CCDC28A: variants seen among roughly 807,000 people sequenced by gnomAD.
The protein encoded by CCDC28A is coiled-coil domain-containing protein 28A.
Under a neutral mutation model 22.1 loss-of-function variants are expected in CCDC28A, and 24 were observed. The ratio of observed to expected loss-of-function variants is 1.09; its 90% CI spans 0.79 to 1.53. The LOEUF (loss-of-function observed/expected upper bound fraction) is 1.53. Ranked by LOEUF, CCDC28A falls within the 40% of genes most tolerant of loss-of-function variation. The pLI is 0.00. For missense variants in CCDC28A, 170 were observed against 210.7 expected, an observed-to-expected ratio of 0.81 and a Z score of 1.20; for synonymous variants, 83 against 74.7, an observed-to-expected ratio of 1.11 and a Z score of -0.57.
intron 1 of CCDC28A, among the ~76,000 whole-genome samples, chr6:138,775,555 G>T (rs574150851): frequency 2.6e-4 from 40 of 152,268 alleles, no homozygotes; most frequent in Non-Finnish European, 4.4e-4. Flanking sequence ...TTGAAGTAAG[G>T]CTTCTAGTTG....
intron 2 of CCDC28A, among the ~76,000 whole-genome samples, chr6:138,778,042 A>G (rs3861393): frequency 0.031 from 4,742 of 152,270 alleles, 253 homozygotes; most frequent in African/African-American, 0.11. Flanking sequence ...TACATAATGT[A>G]TGTAATACAT....
At chr6:138,785,973 A>G (rs986938385) in intron 4 of CCDC28A, among the ~76,000 whole-genome samples, 2 of 152,228 alleles carry the variant, frequency 1.3e-5, no homozygotes, top group Non-Finnish European at 2.9e-5. Flanking sequence ...CTAATTGAGT[A>G]CATTGCCATA....
At chr6:138,780,571 A>AG (rs1775000129) in intron 3 of CCDC28A, among the ~76,000 whole-genome samples, 1 of 135,486 alleles carries the variant, frequency 7.4e-6, no homozygotes, top group African/African-American at 3.0e-5. Flanking sequence ...ATTATTTCCC[A>AG]ATTTTTTTTT....
At chr6:138,775,326 C>A (rs1035330089) in intron 1 of CCDC28A, among the ~76,000 whole-genome samples, 1 of 152,158 alleles carries the variant, frequency 6.6e-6, no homozygotes, top group African/African-American at 2.4e-5. Context: ...AGGCCTTACA[C>A]GTATTCCGCA....
chr6:138,785,145 C>G, intron 3 of CCDC28A, 82 bp from the exon 4 acceptor site: 1 of 779,252 alleles, frequency 1.3e-6, no homozygotes, highest in Non-Finnish European at 2.0e-6. Context: ...TCTTTTAGAG[C>G]ACCTAGAGTT....
intron 3 of CCDC28A, among the ~76,000 whole-genome samples, chr6:138,784,989 G>C (rs1054604013): frequency 6.6e-6 from 1 of 152,170 alleles, no homozygotes; most frequent in Non-Finnish European, 1.5e-5. Context: ...ACCACGCCTG[G>C]CCTGAAATAT....
chr6:138,773,916 G>A lies in CCDC28A; in HGVS notation c.-43+14G>A. 2 of 1,610,898 alleles carry A rather than the reference G, an allele frequency of 1.2e-6. No homozygotes were observed. Among genetic ancestry groups the A allele is most frequent in the Non-Finnish European group, 1.7e-6 (2 of 1,179,974 alleles). On this transcript the variant is annotated intron_variant, in intron 1 of 5. Coordinates refer to ENST00000617445, the MANE Select transcript of CCDC28A (RefSeq NM_015439.3). Reference sequence around the variant, plus strand: ...CTTCTTCTTCAGGTATGTAGTGGAAGCAAAGGAACCTCCGCAACCTGCCCC... The same window carrying A: ...CTTCTTCTTCAGGTATGTAGTGGAAACAAAGGAACCTCCGCAACCTGCCCC...
At chr6:138,786,676 GC>G (rs1775098075) in intron 4 of CCDC28A, among the ~76,000 whole-genome samples, 1 of 152,080 alleles carries the variant, frequency 6.6e-6, no homozygotes, top group African/African-American at 2.4e-5. Context: ...GTGCAGTGGC[GC>G]CATCTGGGCT....
chr6:138,790,176 C>T (rs9495251), intron 5 of CCDC28A, among the ~76,000 whole-genome samples: 9,296 of 152,018 alleles, frequency 0.061, 471 homozygotes, highest in African/African-American at 0.12. Flanking sequence ...TGTTTTGAGA[C>T]GGGTCTCGCC....
chr6:138,778,493 G>A (rs753662007), intron 2 of CCDC28A, among the ~76,000 whole-genome samples: 1 of 152,152 alleles, frequency 6.6e-6, no homozygotes, highest in Non-Finnish European at 1.5e-5. Context: ...GTATATGCCA[G>A]ACATGTGTAA....
rs1294337034 is a variant in CCDC28A, at chr6:138,777,906, G to A, written c.158+1628G>A. 2.0e-5 allele frequency among the ~76,000 whole-genome samples: 3 copies of A among 152,224 alleles called. No homozygotes were observed. In the South Asian group the frequency reaches 6.2e-4, roughly 32 times the overall value. On this transcript the variant is annotated intron_variant, in intron 2 of 5. Coordinates refer to ENST00000617445, the MANE Select transcript of CCDC28A (RefSeq NM_015439.3). Reference sequence around the variant, plus strand: ...TTTAAATGTGAATATGGATCTCTCGGGGATTTTTTTAGAATACAAATTCCA... The same window carrying A: ...TTTAAATGTGAATATGGATCTCTCGAGGATTTTTTTAGAATACAAATTCCA...
intron 3 of CCDC28A, 51 bp downstream of exon 3, chr6:138,780,036 C>G: frequency 1.5e-6 from 2 of 1,369,918 alleles, no homozygotes; most frequent in Non-Finnish European, 2.0e-6. Context: ...TGTTTGCATC[C>G]TGTTTTCTGT....
chr6:138,792,870 C>A lies in CCDC28A; in HGVS notation c.*67C>A, dbSNP rs913500652. ...GCAGTCTTTACTTTTCCAGCCAAAT[C>A]CAGTAGCAGAATCATCTTCCACAAC... On this transcript the variant is annotated 3_prime_UTR_variant, in exon 6 of 6. Transcript: ENST00000617445. The A allele has an allele frequency of 7.9e-6, 8 of 1,010,572 alleles. No homozygotes were observed. The highest frequency in any genetic ancestry group is 1.6e-5 in the African/African-American group (1 of 63,058). 62.6% of individuals were successfully genotyped at this position (1,010,572 alleles called of 1,614,324 possible). A position where few individuals can be genotyped will look rare whatever the true frequency, so the allele number is the denominator to read the frequency against.
At chr6:138,790,261 C>T (rs1030925110) in intron 5 of CCDC28A, among the ~76,000 whole-genome samples, 3 of 152,082 alleles carry the variant, frequency 2.0e-5, no homozygotes, top group Admixed American at 6.5e-5. Context: ...AGCAATTCTC[C>T]TGCCTTAGCC....
chr6:138,792,643 A>G, intron 5 of CCDC28A, 106 bp from the exon 6 acceptor site: 1 of 740,370 alleles, frequency 1.4e-6, no homozygotes, highest in Non-Finnish European at 2.4e-6. Flanking sequence ...CTTTGAACAT[A>G]TCTCTTTTTT....
chr6:138,778,101 C>T (rs927384099), intron 2 of CCDC28A, among the ~76,000 whole-genome samples: 1 of 152,142 alleles, frequency 6.6e-6, no homozygotes, highest in Non-Finnish European at 1.5e-5. Context: ...CTACTGTCAA[C>T]AATGTATGTA....
At chr6:138,776,421 TTA>T in intron 2 of CCDC28A, 143 bp downstream of exon 2, 1 of 650,618 alleles carries the variant, frequency 1.5e-6, no homozygotes, top group African/African-American at 1.8e-5. Context: ...GAAGAAAAAT[TTA>T]TGAAAGTTAC....
At position 138,774,037 on chromosome 6, in the gene CCDC28A, A is replaced by G. The variant is rs952253084; in HGVS notation, c.-43+135A>G. Reference sequence around the variant, plus strand: ...GGGGAAGGGGAATGAGGTGATGTCAAGAGGGATGCCCAGTGGTACTGCTTG... The same window carrying G: ...GGGGAAGGGGAATGAGGTGATGTCAGGAGGGATGCCCAGTGGTACTGCTTG... On this transcript the variant is annotated intron_variant, in intron 1 of 5. Transcript: ENST00000617445. 4.4e-5 allele frequency: 47 copies of G among 1,077,202 alleles called. No homozygotes were observed. The South Asian group carries it at 6.8e-4, about 15-fold the overall frequency. The allele number at this position is 1,077,202 out of a possible 1,614,324, so 66.7% of individuals were successfully genotyped here.
At chr6:138,782,541 C>T (rs1775035960) in intron 3 of CCDC28A, among the ~76,000 whole-genome samples, 2 of 152,112 alleles carry the variant, frequency 1.3e-5, no homozygotes, top group Admixed American at 1.3e-4. Flanking sequence ...GATCCGTCCT[C>T]TGACTCTCAT....
Sources: allele counts gnomAD v4.1 joint callset (sites outside exome capture counted in the v4.1 genomes callset), GRCh38; gene constraint gnomAD v4.1.1; transcripts MANE v1.5; gene names NCBI Gene and HGNC (gene_info 2026-07-23, HGNC 2026-07-21).